Variants in PAXIP1 observed in about 807,000 individuals in gnomAD.
The protein encoded by PAXIP1 is PAX interacting protein 1.
In PAXIP1, 19 loss-of-function variants were observed where a neutral mutation model predicts 140.6. The observed-to-expected ratio is 0.14, with a 90% CI of 0.09 to 0.20. The LOEUF is 0.20. Ranked by LOEUF, PAXIP1 falls within the 10% of genes least tolerant of loss-of-function variation. PAXIP1 has a pLI of 1.00. For synonymous variants in PAXIP1, 442 were observed against 444.6 expected (o/e 0.99, Z 0.07); for missense variants, 920 against 1,208.6 (o/e 0.76, Z 3.54).
At chr7:154,944,290 C>G in intron 20 of PAXIP1, 126 bp from the exon 21 acceptor site, 1 of 761,742 alleles carries the variant, frequency 1.3e-6, no homozygotes, top group East Asian at 2.9e-5. Flanking sequence ...TCTTTCTTAC[C>G]CATTCAAACC....
At chr7:154,952,133 CCT>C (rs958082390) in intron 16 of PAXIP1, 2 of 152,126 alleles carry the variant, frequency 1.3e-5, no homozygotes, top group African/African-American at 4.8e-5. Context: ...TTCATTAATA[CCT>C]TTTTAGAGTC....
chr7:154,989,685 A>G (rs985823561), intron 4 of PAXIP1, among the ~76,000 whole-genome samples: 2 of 152,250 alleles, frequency 1.3e-5, no homozygotes, highest in Non-Finnish European at 2.9e-5. Context: ...AACAAAATAC[A>G]ATACAAAAAT....
At chr7:154,982,207 C>CACATGATAAATTTTA in intron 5 of PAXIP1, among the ~76,000 whole-genome samples, 1 of 152,180 alleles carries the variant, frequency 6.6e-6, no homozygotes, top group East Asian at 1.9e-4. Flanking sequence ...TTTTAGAAGT[C>CACATGATAAATTTTA]ACATGATAAA....
rs994157060 is a variant in PAXIP1 at position 154,963,021 on chromosome 7, G to A, written c.1990-563C>T. 3.3e-5 allele frequency among the ~76,000 whole-genome samples: 5 copies of A among 152,160 alleles called. No individual in the cohort carries two copies. The highest frequency in any genetic ancestry group is 1.2e-4 in the African/African-American group (5 of 41,428). Reference sequence around the variant, plus strand: ...GAGCACAGGAAGGTAATATTGAGGAGAAAGCCTGCACCCCGGTAGTTTTAG... The same window carrying A: ...GAGCACAGGAAGGTAATATTGAGGAAAAAGCCTGCACCCCGGTAGTTTTAG... On this transcript the variant is annotated intron_variant, in intron 9 of 20. Transcript: ENST00000404141. The surrounding 1 kb of genome is among the most constrained non-coding windows in gnomAD (Gnocchi z 4.1).
rs1276156260 is a variant in PAXIP1, at chr7:154,956,727, A to G, written c.2549+497T>C. 6.5e-6 allele frequency: 1 copy of G among 153,368 alleles called. No homozygotes were observed. Among genetic ancestry groups the G allele is most frequent in the Non-Finnish European group, 1.5e-5 (1 of 68,934 alleles). The allele number at this position is 153,368 out of a possible 1,614,324, so 9.5% of individuals were successfully genotyped here. Reference sequence around the variant, plus strand: ...GGCCAACATTGCTTTGTCCTCATCAAGAACTGGCAGATCCAAGGAGCATAC... The same window carrying G: ...GGCCAACATTGCTTTGTCCTCATCAGGAACTGGCAGATCCAAGGAGCATAC... On this transcript the variant is annotated intron_variant, in intron 14 of 20. Transcript: ENST00000404141. This position sits in a 1 kb window ranked among gnomAD's most constrained non-coding sequence, Gnocchi z 4.2.
intron 5 of PAXIP1, among the ~76,000 whole-genome samples, chr7:154,981,075 C>A (rs1352280758): frequency 6.6e-6 from 1 of 151,860 alleles, no homozygotes; most frequent in Admixed American, 6.6e-5. Context: ...GAGCTGAGAT[C>A]GCACCAGTGC....
chr7:154,987,214 G>A (rs1243278638), intron 4 of PAXIP1, among the ~76,000 whole-genome samples: 2 of 152,226 alleles, frequency 1.3e-5, no homozygotes, highest in Admixed American at 1.3e-4. Context: ...CACTGAGCCA[G>A]CTGATACTCC....
At position 154,968,623 on chromosome 7, in the gene PAXIP1, C is replaced by G. The variant is rs1563372327; in HGVS notation, c.1578G>C (p.Gln526His). The change falls in exon 7 of 21, where the codon CAG (glutamine) becomes CAC (histidine). Residue 526 changes from glutamine to histidine, a missense_variant. Physicochemically the swap from Gln to His is conservative, Grantham distance 24. This residue lies in a region of PAXIP1 where 133 missense variants were observed against 88.4 expected (regional missense o/e 1.50). Coordinates refer to ENST00000404141, the MANE Select transcript of PAXIP1 (RefSeq NM_007349.4). ...GCTGCTGAATCTGCTGTTGCTGCTG[C>G]TGCTGGAGCAGGCTGTGCTGCTGCT... ...QLQQQHSLLQ[Q>H]QQQQQIQQQQ... The G allele has an allele frequency of 4.2e-6, 3 of 714,542 alleles. No individual in the cohort carries two copies. Among genetic ancestry groups the G allele is most frequent in the Non-Finnish European group, 7.8e-6 (3 of 384,342 alleles). 44.3% of individuals were successfully genotyped at this position (714,542 alleles called of 1,614,324 possible). A position where few individuals can be genotyped will look rare whatever the true frequency, so the allele number is the denominator to read the frequency against.
chr7:154,994,987 G>T (rs943475075), intron 2 of PAXIP1, among the ~76,000 whole-genome samples: 3 of 152,152 alleles, frequency 2.0e-5, no homozygotes, highest in South Asian at 4.1e-4. Context: ...TCAGGAATCG[G>T]TATTGGCCTT....
rs1199207720 is a variant in PAXIP1, at chr7:154,968,426, A to G, written c.1775T>C (p.Phe592Ser). Residue 592 changes from phenylalanine to serine, a missense_variant, in exon 7 of 21, where the codon TTT becomes TCT. By Grantham distance (155) the Phe-to-Ser change is radical (BLOSUM62 -2). Around this residue, in one of 5 missense-constraint regions of PAXIP1, gnomAD observed 62 missense variants for 69.0 expected, o/e 0.90. Transcript: ENST00000404141. The stretch of plus-strand genomic sequence containing the variant: ...ACTCTCCACTGCTGGATCATGTCCA[A>G]AAAGCTGATGCTGCTGAGGCGATGG... ...PPPSPQQHQL[F>S]GHDPAVEIPE... The G allele has an allele frequency of 3.2e-6, 5 of 1,548,334 alleles. No individual in the cohort carries two copies. Among genetic ancestry groups the G allele is most frequent in the East Asian group, 2.4e-5 (1 of 40,890 alleles).
intron 4 of PAXIP1, among the ~76,000 whole-genome samples, chr7:154,988,401 A>G (rs2150779035): frequency 6.6e-6 from 1 of 152,304 alleles, no homozygotes; most frequent in Admixed American, 6.5e-5. Flanking sequence ...TCATATATGT[A>G]TCATGTATGT....
intron 2 of PAXIP1, among the ~76,000 whole-genome samples, chr7:154,997,570 C>T (rs571638922): frequency 2.6e-5 from 4 of 152,180 alleles, no homozygotes; most frequent in African/African-American, 9.7e-5. Flanking sequence ...TAGGGAAGAT[C>T]TGAAATAAAA....
In PAXIP1 at chr7:154,963,797, T is replaced by C. The variant is rs748667346; in HGVS notation, c.1894-31A>G. On this transcript the variant is annotated intron_variant, in intron 8 of 20. Transcript: ENST00000404141. The surrounding 1 kb of genome is among the most constrained non-coding windows in gnomAD (Gnocchi z 4.1). ...CACAAAGACCCGACCAATGCAGTCA[T>C]CAATCACTCAGAATAGAGGAGAATT... The C allele has an allele frequency of 4.7e-5, 68 of 1,459,524 alleles. No homozygotes were observed. Among genetic ancestry groups the C allele is most frequent in the African/African-American group, 2.8e-5 (2 of 71,880 alleles). 90.4% of individuals were successfully genotyped at this position (1,459,524 alleles called of 1,614,324 possible). A position where few individuals can be genotyped will look rare whatever the true frequency, so the allele number is the denominator to read the frequency against.
chr7:154,975,964 G>A lies in PAXIP1; in HGVS notation c.806C>T (p.Ala269Val). 1 of 1,613,832 alleles carries A rather than the reference G, an allele frequency of 6.2e-7. No individual in the cohort carries two copies. The change falls in exon 6 of 21, where the codon GCC becomes GTC. Residue 269 changes from alanine to valine, a missense_variant. By Grantham distance (64) the Ala-to-Val change is moderately conservative. This residue lies in a region of PAXIP1 where 419 missense variants were observed against 514.7 expected (regional missense o/e 0.81). Coordinates refer to ENST00000404141, the MANE Select transcript of PAXIP1 (RefSeq NM_007349.4). The part of the protein sequence containing the change: ...KQERNLNWTP[A>V]EVPQLAAAKR... ...TGCTGCAGCTAACTGTGGGACTTCG[G>A]CCGGGGTCCAGTTTAAATTTCTCTC...
chr7:154,974,882 C>CA (rs1809496671), intron 6 of PAXIP1, among the ~76,000 whole-genome samples: 1 of 151,742 alleles, frequency 6.6e-6, no homozygotes, highest in South Asian at 2.1e-4. Flanking sequence ...TGGTGGCTCA[C>CA]ACCTGTAATC....
rs1809407709 is a variant in PAXIP1, at chr7:154,973,116, C to T, written c.1074+2580G>A. Among the ~76,000 whole-genome samples, 2 of 152,198 alleles carry T rather than the reference C, an allele frequency of 1.3e-5. No homozygotes were observed. Among genetic ancestry groups the T allele is most frequent in the African/African-American group, 2.4e-5 (1 of 41,450 alleles). On this transcript the variant is annotated intron_variant, in intron 6 of 20. Coordinates refer to ENST00000404141, the MANE Select transcript of PAXIP1 (RefSeq NM_007349.4). The surrounding 1 kb of genome is among the most constrained non-coding windows in gnomAD (Gnocchi z 4.0). ...CCTTTTCCCTAAACTCGGCTGACCC[C>T]AGCGCTCTCATGGGCACCCACCTGG... is the stretch of plus-strand genomic sequence containing the variant.
At position 154,956,268 on chromosome 7, in the gene PAXIP1, G is replaced by C. The variant is rs987138512; in HGVS notation, c.2550-637C>G. Among the ~76,000 whole-genome samples, 6 of 152,002 alleles carry C rather than the reference G, an allele frequency of 3.9e-5. No homozygotes were observed. The highest frequency in any genetic ancestry group is 2.0e-4 in the Admixed American group (3 of 15,272). ...GTCCAATAAAAATTTATTTTAAAAT[G>C]TATTTGTGGTAATTTGATGACAGCC... On this transcript the variant is annotated intron_variant, in intron 14 of 20. Coordinates refer to ENST00000404141, the MANE Select transcript of PAXIP1 (RefSeq NM_007349.4). This position sits in a 1 kb window ranked among gnomAD's most constrained non-coding sequence, Gnocchi z 4.2.
intron 8 of PAXIP1, among the ~76,000 whole-genome samples, chr7:154,966,694 A>G (rs893945167): frequency 2.6e-5 from 4 of 152,162 alleles, no homozygotes; most frequent in Non-Finnish European, 5.9e-5. Flanking sequence ...ACCCTGGCAC[A>G]TGCCATCCGC....
intron 4 of PAXIP1, among the ~76,000 whole-genome samples, chr7:154,984,823 C>A (rs773836252): frequency 3.4e-4 from 51 of 152,130 alleles, no homozygotes; most frequent in Non-Finnish European, 6.2e-4. Flanking sequence ...GCCTTTATTA[C>A]CAAGATTTGC....
Sources: gnomAD v4.1 joint callset for allele counts (sites outside exome capture counted in the v4.1 genomes callset) on GRCh38, gnomAD v4.1.1 for gene constraint, gnomAD v4.1.1 regional missense constraint, Gnocchi (gnomAD v3.1) non-coding constraint, MANE v1.5 for transcripts, NCBI Gene and HGNC (gene_info 2026-07-23, HGNC 2026-07-21) for gene names.